The following GAS2 variants were observed in gnomAD, a reference collection of about 807,000 sequenced individuals.
The protein encoded by GAS2 is growth arrest specific 2.
Under a neutral mutation model 37.5 loss-of-function variants are expected in GAS2, and 20 were observed. That is an observed-to-expected ratio of 0.53 (90% CI 0.37 to 0.77). The LOEUF is 0.77. Among genes scored for constraint, GAS2 ranks in the 30% least tolerant of loss-of-function variants. The pLI, the probability that GAS2 is intolerant of heterozygous loss-of-function variation, is 0.00. For synonymous variants in GAS2, 144 were observed against 132.2 expected (o/e 1.09, Z -0.61); for missense variants, 336 against 373.4 (o/e 0.90, Z 0.82).
intron 6 of GAS2, among the ~76,000 whole-genome samples, chr11:22,751,326 T>C (rs1265036558): frequency 1.3e-5 from 2 of 152,002 alleles, no homozygotes; most frequent in African/African-American, 4.8e-5. Flanking sequence ...CTACCCCCTA[T>C]ATAAAGATTT....
intron 3 of GAS2, among the ~76,000 whole-genome samples, chr11:22,719,563 C>T (rs1332863008): frequency 6.6e-6 from 1 of 152,020 alleles, no homozygotes; most frequent in African/African-American, 2.4e-5. Context: ...GACGTGTATC[C>T]ACCAATATAA....
In GAS2 at chr11:22,731,462, T is replaced by G. The variant is rs982041070; in HGVS notation, c.409+5029T>G. 23 of 311,960 alleles carry G rather than the reference T, an allele frequency of 7.4e-5. No homozygotes were observed. In the Admixed American group the frequency reaches 8.7e-4, roughly 12 times the overall value. The allele number at this position is 311,960 out of a possible 1,614,324, so 19.3% of individuals were successfully genotyped here. A position where few individuals can be genotyped will look rare whatever the true frequency, so the allele number is the denominator to read the frequency against. ...GTTTGAGTATAACTTTTAAAAAAAT[T>G]TATTTTCTGTGTTTGTGTTTGCTGT... On this transcript the variant is annotated intron_variant, in intron 4 of 7. Coordinates refer to ENST00000454584, the MANE Select transcript of GAS2 (RefSeq NM_001143830.3).
At chr11:22,689,628 T>C (rs2133963378) in intron 3 of GAS2, among the ~76,000 whole-genome samples, 1 of 152,300 alleles carries the variant, frequency 6.6e-6, no homozygotes, top group South Asian at 2.1e-4. Context: ...ATTGTTGGTC[T>C]AGAAACAAAA....
upstream of GAS2, among the ~76,000 whole-genome samples, chr11:22,662,198 G>A (rs1445933016): frequency 3.9e-5 from 6 of 152,150 alleles, no homozygotes; most frequent in Non-Finnish European, 7.4e-5. Context: ...TTAATGAAGT[G>A]ACAAGTGACA....
At chr11:22,725,803 C>A (rs573288362) in intron 3 of GAS2, among the ~76,000 whole-genome samples, 1 of 152,202 alleles carries the variant, frequency 6.6e-6, no homozygotes, top group African/African-American at 2.4e-5. Flanking sequence ...AATAATTCTG[C>A]TGCTCTCTTT....
rs562130286 is a variant in GAS2 at position 22,649,709 on chromosome 11, G to A, written c.-21+23896G>A. ...GATTTTCTAGTTTATTTGCATAGAGGTGTTTGTAGTATTCTCTGACGGTAG... is the reference window on the plus strand; with the variant it reads ...GATTTTCTAGTTTATTTGCATAGAGATGTTTGTAGTATTCTCTGACGGTAG... On this transcript the variant is annotated intron_variant, in intron 1 of 5. Transcript: ENST00000528582. Among the ~76,000 whole-genome samples, 6 of 152,242 alleles carry A rather than the reference G, an allele frequency of 3.9e-5. No homozygotes were observed. In the East Asian group the frequency reaches 1.2e-3, roughly 29 times the overall value.
chr11:22,765,340 C>T (rs1442342479), intron 7 of GAS2, among the ~76,000 whole-genome samples: 1 of 152,122 alleles, frequency 6.6e-6, no homozygotes, highest in Non-Finnish European at 1.5e-5. Context: ...GACATTTTAA[C>T]TGATTTTAAC....
intron 7 of GAS2, among the ~76,000 whole-genome samples, chr11:22,780,005 G>A (rs534560547): frequency 2.0e-5 from 3 of 152,276 alleles, no homozygotes; most frequent in South Asian, 2.1e-4. Flanking sequence ...GACCTTAAGA[G>A]TTGACTCGGA....
chr11:22,631,012 A>G (rs1425539011), intron 1 of GAS2, among the ~76,000 whole-genome samples: 2 of 152,158 alleles, frequency 1.3e-5, no homozygotes, highest in Non-Finnish European at 2.9e-5. Flanking sequence ...GTCATCTATG[A>G]TATCTTTCAG....
intron 3 of GAS2, among the ~76,000 whole-genome samples, chr11:22,701,532 A>G (rs770117699): frequency 6.6e-6 from 1 of 152,152 alleles, no homozygotes; most frequent in Non-Finnish European, 1.5e-5. Flanking sequence ...CTTAAAAAAA[A>G]AATAGTTCGG....
chr11:22,805,381 A>T (rs1856837605), intron 7 of GAS2, among the ~76,000 whole-genome samples: 1 of 152,128 alleles, frequency 6.6e-6, no homozygotes, highest in South Asian at 2.1e-4. Flanking sequence ...AACTCTTAAC[A>T]TCCACTCTTT....
intron 4 of GAS2, among the ~76,000 whole-genome samples, chr11:22,730,374 G>T (rs1034935154): frequency 6.6e-6 from 1 of 151,684 alleles, no homozygotes; most frequent in Non-Finnish European, 1.5e-5. Context: ...TTATACATCA[G>T]TATATTAAAA....
intron 7 of GAS2, among the ~76,000 whole-genome samples, chr11:22,779,736 AAAAG>A (rs901682429): frequency 1.3e-5 from 2 of 152,048 alleles, no homozygotes; most frequent in African/African-American, 4.8e-5. Context: ...CAAACAAACA[AAAAG>A]AAAGCATTAC....
At chr11:22,772,152 G>T (rs950177014) in intron 7 of GAS2, among the ~76,000 whole-genome samples, 1 of 152,006 alleles carries the variant, frequency 6.6e-6, no homozygotes, top group African/African-American at 2.4e-5. Context: ...GCATTGTATA[G>T]ACTTATGAAG....
chr11:22,738,265 A>G (rs928741228), intron 5 of GAS2, among the ~76,000 whole-genome samples: 7 of 152,200 alleles, frequency 4.6e-5, no homozygotes, highest in Non-Finnish European at 2.9e-5. Flanking sequence ...CATTTTTATT[A>G]GGGAAAGACA....
At chr11:22,713,814 C>T (rs1851528731) in intron 3 of GAS2, among the ~76,000 whole-genome samples, 1 of 152,096 alleles carries the variant, frequency 6.6e-6, no homozygotes, top group Non-Finnish European at 1.5e-5. Flanking sequence ...GAGAATTATT[C>T]ACCACTACCA....
intron 3 of GAS2, among the ~76,000 whole-genome samples, chr11:22,719,349 G>A (rs939905515): frequency 4.0e-5 from 6 of 151,890 alleles, no homozygotes; most frequent in East Asian, 1.9e-4. Flanking sequence ...GGCAATCACC[G>A]TTCTAGTCCC....
intron 3 of GAS2, among the ~76,000 whole-genome samples, chr11:22,709,651 C>T (rs904154237): frequency 7.2e-5 from 11 of 152,092 alleles, no homozygotes; most frequent in Non-Finnish European, 1.3e-4. Context: ...CCCAGCCATC[C>T]CATTACTGGG....
chr11:22,631,928 A>C (rs936828895), intron 1 of GAS2, among the ~76,000 whole-genome samples: 2 of 147,056 alleles, frequency 1.4e-5, no homozygotes, highest in African/African-American at 5.0e-5. Context: ...TTTGGCTGTG[A>C]ATCCATCTGG....
Sources: allele counts gnomAD v4.1 joint callset (sites outside exome capture counted in the v4.1 genomes callset), GRCh38; gene constraint gnomAD v4.1.1; transcripts MANE v1.5; gene names NCBI Gene and HGNC (gene_info 2026-07-23, HGNC 2026-07-21).